NEDD4: variants seen among roughly 807,000 people sequenced by gnomAD.
NEDD4 encodes NEDD4 E3 ubiquitin protein ligase.
A neutral mutation model predicts 144.9 loss-of-function variants in NEDD4; 99 were observed. The observed-to-expected ratio is 0.68, with a 90% confidence interval of 0.58 to 0.81. The LOEUF (loss-of-function observed/expected upper bound fraction) is 0.81. Ranked by LOEUF, NEDD4 falls within the 30% of genes least tolerant of loss-of-function variation. The pLI is 0.00. For missense variants in NEDD4, 985 were observed against 1,065.9 expected (o/e 0.92, Z 1.06); for synonymous variants, 318 against 350.6 (o/e 0.91, Z 1.04).
chr15:55,942,742 G>T (rs943543770), intron 4 of NEDD4, among the ~76,000 whole-genome samples: 28 of 152,212 alleles, frequency 1.8e-4, no homozygotes, highest in African/African-American at 6.3e-4. Context: ...TGGGAAGTCA[G>T]GCATTGCTAT....
chr15:55,892,555 C>T (rs1208580865), intron 5 of NEDD4, among the ~76,000 whole-genome samples: 1 of 151,876 alleles, frequency 6.6e-6, no homozygotes, highest in African/African-American at 2.4e-5. Context: ...GCTATCAGCA[C>T]TTTTCTTTCA....
chr15:55,912,925 C>T (rs935921763), intron 5 of NEDD4, among the ~76,000 whole-genome samples: 1 of 152,092 alleles, frequency 6.6e-6, no homozygotes, highest in African/African-American at 2.4e-5. Context: ...AAAGTCTCAT[C>T]TTCACTCTAA....
chr15:55,854,106 G>T (rs543483229), intron 12 of NEDD4, among the ~76,000 whole-genome samples: 1 of 151,926 alleles, frequency 6.6e-6, no homozygotes, highest in Non-Finnish European at 1.5e-5. Context: ...AGCCGAGATC[G>T]CCTGGGCACT....
intron 5 of NEDD4, among the ~76,000 whole-genome samples, chr15:55,890,563 T>C (rs2035537699): frequency 6.6e-6 from 1 of 152,246 alleles, no homozygotes; most frequent in African/African-American, 2.4e-5. Context: ...TACCACATTT[T>C]ATTTATCCAT....
chr15:55,922,214 G>A (rs2036582071), intron 5 of NEDD4, among the ~76,000 whole-genome samples: 1 of 152,104 alleles, frequency 6.6e-6, no homozygotes, highest in Admixed American at 6.6e-5. Context: ...ATAGCATTAT[G>A]ATTTTTCAGA....
intron 1 of NEDD4, among the ~76,000 whole-genome samples, chr15:55,991,741 C>T (rs2037991311): frequency 6.6e-6 from 1 of 152,234 alleles, no homozygotes; most frequent in African/African-American, 2.4e-5. Context: ...AGGAAATCCA[C>T]ATTTCAAAGG....
intron 12 of NEDD4, among the ~76,000 whole-genome samples, chr15:55,853,412 C>A (rs898483827): frequency 2.6e-5 from 4 of 152,152 alleles, no homozygotes; most frequent in Non-Finnish European, 5.9e-5. Flanking sequence ...GCTCATTTTA[C>A]TGGTGAGTAA....
chr15:55,988,487 T>TAAAAAAAAAAAAAAAAAAAAAAAAAAAAA (rs56688563), intron 1 of NEDD4, among the ~76,000 whole-genome samples: 1 of 101,712 alleles, frequency 9.8e-6, no homozygotes, highest in African/African-American at 4.1e-5. Context: ...AAAAAAAAAT[T>TAAAAAAAAAAAAAAAAAAAAAAAAAAAAA]AAAAAAAAAA....
At chr15:55,857,716 T>C (rs1006365576) in intron 11 of NEDD4, among the ~76,000 whole-genome samples, 6 of 152,212 alleles carry the variant, frequency 3.9e-5, no homozygotes, top group African/African-American at 7.2e-5. Context: ...GTAACACTCA[T>C]ACATGTTATA....
chr15:55,920,684 T>C (rs1424682020), intron 5 of NEDD4, among the ~76,000 whole-genome samples: 1 of 152,320 alleles, frequency 6.6e-6, no homozygotes, highest in East Asian at 1.9e-4. Flanking sequence ...CAAGAGAATT[T>C]GCTAGGAAAA....
chr15:55,931,852 T>G (rs1291333340), intron 4 of NEDD4, among the ~76,000 whole-genome samples: 2 of 152,166 alleles, frequency 1.3e-5, no homozygotes, highest in Non-Finnish European at 2.9e-5. Flanking sequence ...TCACCACAAT[T>G]TTAGAACATT....
At chr15:55,978,039 A>C (rs1191563284) in intron 1 of NEDD4, among the ~76,000 whole-genome samples, 3 of 152,192 alleles carry the variant, frequency 2.0e-5, no homozygotes, top group African/African-American at 7.2e-5. Context: ...TAGCAGTTAT[A>C]ATTTATATGA....
intron 4 of NEDD4, among the ~76,000 whole-genome samples, chr15:55,939,310 C>T (rs748906357): frequency 6.6e-6 from 1 of 152,062 alleles, no homozygotes; most frequent in Non-Finnish European, 1.5e-5. Flanking sequence ...GACAGTTTTA[C>T]AAAGGGTTCC....
chr15:55,890,460 G>T (rs2035531815), intron 5 of NEDD4, among the ~76,000 whole-genome samples: 1 of 152,060 alleles, frequency 6.6e-6, no homozygotes, highest in Non-Finnish European at 1.5e-5. Flanking sequence ...ATAATACGTG[G>T]TCCTTTATGA....
chr15:55,881,875 T>C (rs777340830), intron 5 of NEDD4, among the ~76,000 whole-genome samples: 2 of 152,132 alleles, frequency 1.3e-5, no homozygotes, highest in Non-Finnish European at 2.9e-5. Context: ...GGCTGTCTTG[T>C]GCATTGAAGG....
intron 2 of NEDD4, among the ~76,000 whole-genome samples, chr15:55,953,428 C>CT (rs1566967169): frequency 6.6e-6 from 1 of 151,734 alleles, no homozygotes; most frequent in Non-Finnish European, 1.5e-5. Context: ...CCATACTCTT[C>CT]TTTTTTTATC....
chr15:55,829,898 T>TAATC lies in NEDD4; in HGVS notation c.2698_2701dup (p.Ter901=). ...ACACTACAGATTGTTATTTGTAATC[T>TAATC]AATCAACTCCATCAAAGCCCTGGGT... On this transcript the variant is annotated frameshift_variant and stop_retained_variant, in exon 29 of 29. Transcript: ENST00000435532. LOFTEE classifies it high-confidence loss of function. The TAATC allele has an allele frequency of 6.2e-7, 1 of 1,606,736 alleles. No individual in the cohort carries two copies. Among genetic ancestry groups the TAATC allele is most frequent in the Non-Finnish European group, 8.5e-7 (1 of 1,175,386 alleles).
chr15:55,853,343 A>G (rs1160181924), intron 12 of NEDD4, among the ~76,000 whole-genome samples: 1 of 152,216 alleles, frequency 6.6e-6, no homozygotes, highest in Non-Finnish European at 1.5e-5. Context: ...TGTCCTGTTT[A>G]ACACAGATAA....
At chr15:55,894,574 G>A (rs1207514656) in intron 5 of NEDD4, among the ~76,000 whole-genome samples, 4 of 152,116 alleles carry the variant, frequency 2.6e-5, no homozygotes, top group African/African-American at 9.7e-5. Flanking sequence ...ACAGATTGGG[G>A]TGAGGTGGAA....
Sources: allele counts gnomAD v4.1 joint callset (sites outside exome capture counted in the v4.1 genomes callset), GRCh38; gene constraint gnomAD v4.1.1; transcripts MANE v1.5; gene names NCBI Gene and HGNC (gene_info 2026-07-23, HGNC 2026-07-21).